CNTNAP2: variants seen among roughly 807,000 people sequenced by gnomAD.
CNTNAP2 encodes contactin-associated protein-like 2.
A neutral mutation model predicts 155.2 loss-of-function variants in CNTNAP2; 98 were observed. That is an observed-to-expected ratio of 0.63 (90% confidence interval 0.54 to 0.75). CNTNAP2 has a LOEUF of 0.75. Ranked by LOEUF, CNTNAP2 falls within the 30% of genes least tolerant of loss-of-function variation. The probability of loss-of-function intolerance (pLI) is 0.00; values close to 1 mark genes in which losing one functional copy is unlikely to be tolerated. For synonymous variants in CNTNAP2, 651 were observed against 631.2 expected (o/e 1.03, Z -0.47); for missense variants, 1,727 against 1,688.1 (o/e 1.02, Z -0.40).
chr7:146,256,753 A>G (rs1306307650), intron 1 of CNTNAP2, among the ~76,000 whole-genome samples: 1 of 152,100 alleles, frequency 6.6e-6, no homozygotes, highest in Non-Finnish European at 1.5e-5. Context: ...TTACCACAAC[A>G]CGGCAATGCA....
chr7:148,017,239 T>TCAACATTTC (rs143423387), intron 15 of CNTNAP2, among the ~76,000 whole-genome samples: 85 of 152,306 alleles, frequency 5.6e-4, no homozygotes, highest in African/African-American at 2.0e-3. Context: ...CCAAAATCTG[T>TCAACATTTC]CAAAATGTTT....
chr7:147,484,671 C>A (rs1798481308), intron 10 of CNTNAP2, among the ~76,000 whole-genome samples: 1 of 152,206 alleles, frequency 6.6e-6, no homozygotes, highest in Non-Finnish European at 1.5e-5. Flanking sequence ...CAAACTGAGC[C>A]AAGCCCAGCT....
intron 1 of CNTNAP2, among the ~76,000 whole-genome samples, chr7:146,435,553 A>G (rs967386353): frequency 8.5e-5 from 13 of 152,216 alleles, no homozygotes; most frequent in Non-Finnish European, 4.4e-5. Context: ...CATCTCTAGT[A>G]GAATTTTAAA....
At chr7:146,788,319 G>A (rs769356653) in intron 2 of CNTNAP2, among the ~76,000 whole-genome samples, 2 of 152,244 alleles carry the variant, frequency 1.3e-5, no homozygotes, top group Non-Finnish European at 2.9e-5. Context: ...AGGCCGAGGA[G>A]GCACCAAGAG....
chr7:147,408,588 G>C (rs34163397), intron 10 of CNTNAP2, among the ~76,000 whole-genome samples: 26,543 of 152,054 alleles, frequency 0.17, 2,937 homozygotes, highest in Non-Finnish European at 0.25. Context: ...GTGAAACCCT[G>C]TCTCTAAAAA....
chr7:148,018,695 G>C (rs752032940), intron 15 of CNTNAP2, among the ~76,000 whole-genome samples: 27 of 152,214 alleles, frequency 1.8e-4, no homozygotes, highest in Admixed American at 8.5e-4. Context: ...GTATCCCGGA[G>C]CACCTCCACA....
chr7:146,357,996 CTTTATTTATTTATTTATTTATTTAAT>C (rs1453256304), intron 1 of CNTNAP2, among the ~76,000 whole-genome samples: 3 of 150,246 alleles, frequency 2.0e-5, no homozygotes, highest in Non-Finnish European at 3.0e-5. Context: ...TTCTGGGCAG[CTTTATTTATTTATTTATTTATTTAAT>C]TTTATTTATT....
Position 146,856,230 on chromosome 7 carries a change from TAGGTAGAC to T in CNTNAP2, c.402+16329_402+16336del, listed in dbSNP as rs1314152125. Among the ~76,000 whole-genome samples, 101 of 151,654 alleles carry T rather than the reference TAGGTAGAC, an allele frequency of 6.7e-4. 1 individual carries two copies. The highest frequency in any genetic ancestry group is 2.3e-3 in the African/African-American group (96 of 41,282). On this transcript the variant is annotated intron_variant, in intron 3 of 23. Coordinates refer to ENST00000361727, the MANE Select transcript of CNTNAP2 (RefSeq NM_014141.6). ...TAAGTCTATAGAGATGATAGGTAGG[TAGGTAGAC>T]AGACAGATAGATAGATGATAGATAT...
intron 14 of CNTNAP2, among the ~76,000 whole-genome samples, chr7:147,940,790 G>A (rs1232981902): frequency 3.3e-5 from 5 of 152,026 alleles, no homozygotes; most frequent in African/African-American, 7.2e-5. Context: ...CTCCCACCTC[G>A]GGCACCAAAA....
chr7:146,632,863 A>G (rs867524829), intron 1 of CNTNAP2, among the ~76,000 whole-genome samples: 4 of 152,136 alleles, frequency 2.6e-5, no homozygotes, highest in Middle Eastern at 6.8e-3. Context: ...TATTGCTTCC[A>G]TGAATTAGCA....
In CNTNAP2 at chr7:146,516,211, TG is replaced by T. The variant is rs200741901; in HGVS notation, c.98-258058del. On this transcript the variant is annotated intron_variant, in intron 1 of 23. Coordinates refer to ENST00000361727, the MANE Select transcript of CNTNAP2 (RefSeq NM_014141.6). ...TCATGGGTAGCAATTAAATGTGCAA[TG>T]GTCAATATGGTCAGTAATGGGGGAA... Among the ~76,000 whole-genome samples, 1,144 of 151,980 alleles carry T rather than the reference TG, an allele frequency of 7.5e-3. 12 individuals are homozygous for T. Among genetic ancestry groups the T allele is most frequent in the African/African-American group, 0.025 (1,053 of 41,450 alleles).
chr7:147,702,848 C>A (rs1796258340), intron 13 of CNTNAP2, among the ~76,000 whole-genome samples: 1 of 152,086 alleles, frequency 6.6e-6, no homozygotes. Context: ...TGTTTTTAAA[C>A]AAGGGTCCTG....
At chr7:146,648,008 C>A (rs1799844573) in intron 1 of CNTNAP2, among the ~76,000 whole-genome samples, 1 of 152,078 alleles carries the variant, frequency 6.6e-6, no homozygotes, top group South Asian at 2.1e-4. Context: ...CAATTCTTAT[C>A]CCATCAGACC....
intron 1 of CNTNAP2, among the ~76,000 whole-genome samples, chr7:146,723,015 A>T (rs1801365719): frequency 1.3e-5 from 2 of 152,080 alleles, no homozygotes; most frequent in African/African-American, 4.8e-5. Context: ...ACTCCATCTC[A>T]AAAAAATTTT....
chr7:148,035,269 T>C (rs1802552298), intron 15 of CNTNAP2, among the ~76,000 whole-genome samples: 1 of 152,190 alleles, frequency 6.6e-6, no homozygotes, highest in Non-Finnish European at 1.5e-5. Context: ...CCAGGTGCTA[T>C]TTATCAAGAC....
intron 1 of CNTNAP2, among the ~76,000 whole-genome samples, chr7:146,194,658 C>A (rs1261479592): frequency 6.6e-6 from 1 of 152,072 alleles, no homozygotes; most frequent in East Asian, 1.9e-4. Flanking sequence ...ATAGGCTAAT[C>A]TTTGCTTTTT....
At chr7:148,354,700 C>T (rs2116604713) in intron 21 of CNTNAP2, among the ~76,000 whole-genome samples, 1 of 149,160 alleles carries the variant, frequency 6.7e-6, no homozygotes, top group Middle Eastern at 3.4e-3. Context: ...TTTTTTTAAC[C>T]ACTTTTCCAA....
chr7:147,002,065 A>G (rs1236093596), intron 3 of CNTNAP2, among the ~76,000 whole-genome samples: 1 of 152,026 alleles, frequency 6.6e-6, no homozygotes, highest in Non-Finnish European at 1.5e-5. Context: ...GCAATGTAAT[A>G]GAAATATATA....
chr7:148,146,170 AAAAATGACAGATATTTAATT>A (rs1396031330), intron 16 of CNTNAP2, among the ~76,000 whole-genome samples: 2 of 152,224 alleles, frequency 1.3e-5, no homozygotes, highest in African/African-American at 4.8e-5. Context: ...CCCAGGAAAA[AAAAATGACAGATATTTAATT>A]AAACTGCTTA....
Sources: allele counts gnomAD v4.1 joint callset (sites outside exome capture counted in the v4.1 genomes callset), GRCh38; gene constraint gnomAD v4.1.1; transcripts MANE v1.5; gene names NCBI Gene and HGNC (gene_info 2026-07-23, HGNC 2026-07-21).